The following KCNQ1 variants were observed in gnomAD, a reference collection of about 807,000 sequenced individuals.
KCNQ1 encodes potassium voltage-gated channel subfamily KQT member 1.
Under a neutral mutation model 72.4 loss-of-function variants are expected in KCNQ1, and 49 were observed. The ratio of observed to expected loss-of-function variants is 0.68; its 90% CI spans 0.54 to 0.86. KCNQ1 has a LOEUF of 0.86. KCNQ1 is among the 40% of genes least tolerant of loss of function. The probability of loss-of-function intolerance (pLI) is 0.00; values close to 1 mark genes in which losing one functional copy is unlikely to be tolerated. For missense variants in KCNQ1, 790 were observed against 945.1 expected, an observed-to-expected ratio of 0.84 and a Z score of 2.15; for synonymous variants, 450 against 412.6, an observed-to-expected ratio of 1.09 and a Z score of -1.10.
In KCNQ1 at chr11:2,673,378, C is replaced by A. The variant is rs1355395102; in HGVS notation, c.1514+11297C>A. On this transcript the variant is annotated intron_variant, in intron 11 of 15. Coordinates refer to ENST00000155840, the MANE Select transcript of KCNQ1 (RefSeq NM_000218.3). This position sits in a 1 kb window ranked among gnomAD's most constrained non-coding sequence, Gnocchi z 4.5. Reference sequence around the variant, plus strand: ...CAAAGGGAAGTGACAGAGCAGAGCTCCCCTTGGCCTTTGTTTAGCCCACCT... The same window carrying A: ...CAAAGGGAAGTGACAGAGCAGAGCTACCCTTGGCCTTTGTTTAGCCCACCT... 2.5e-6 allele frequency: 1 copy of A among 398,544 alleles called. No homozygotes were observed. The highest frequency in any genetic ancestry group is 3.6e-5 in the East Asian group (1 of 28,088). The allele number at this position is 398,544 out of a possible 1,614,324, so 24.7% of individuals were successfully genotyped here. A position where few individuals can be genotyped will look rare whatever the true frequency, so the allele number is the denominator to read the frequency against.
chr11:2,471,421 C>A lies in KCNQ1; in HGVS notation c.386+25937C>A, dbSNP rs1033280601. 6.6e-6 allele frequency among the ~76,000 whole-genome samples: 1 copy of A among 152,218 alleles called. No individual in the cohort carries two copies. Among genetic ancestry groups the A allele is most frequent in the Non-Finnish European group, 1.5e-5 (1 of 68,044 alleles). On this transcript the variant is annotated intron_variant, in intron 1 of 15. Coordinates refer to ENST00000155840, the MANE Select transcript of KCNQ1 (RefSeq NM_000218.3). This position sits in a 1 kb window ranked among gnomAD's most constrained non-coding sequence, Gnocchi z 4.8. ...CAACGCCACAGCCTCTGACACTCCACGGCACTAAAGTGTCAAGAGACCCAG... is the reference window on the plus strand; with the variant it reads ...CAACGCCACAGCCTCTGACACTCCAAGGCACTAAAGTGTCAAGAGACCCAG...
chr11:2,726,480 C>T (rs1590055206), intron 11 of KCNQ1, among the ~76,000 whole-genome samples: 1 of 152,142 alleles, frequency 6.6e-6, no homozygotes, highest in South Asian at 2.1e-4. Context: ...ACTGAGGCCC[C>T]AGGCGGAGAC....
chr11:2,846,945 CCT>C (rs977709538), intron 15 of KCNQ1, among the ~76,000 whole-genome samples: 3 of 152,240 alleles, frequency 2.0e-5, no homozygotes, highest in African/African-American at 7.2e-5. Flanking sequence ...AGAACCAGCC[CCT>C]GAGAAGGTGG....
intron 1 of KCNQ1, among the ~76,000 whole-genome samples, chr11:2,511,295 C>T (rs1293064983): frequency 6.6e-6 from 1 of 152,138 alleles, no homozygotes; most frequent in African/African-American, 2.4e-5. Flanking sequence ...GAATTGAGAG[C>T]CAGAGGTTGC....
At chr11:2,527,464 C>A (rs560241807) in intron 1 of KCNQ1, among the ~76,000 whole-genome samples, 75 of 152,310 alleles carry the variant, frequency 4.9e-4, no homozygotes, top group African/African-American at 1.8e-3. Context: ...GGCTCTAGGG[C>A]CCTAAGTGGC....
chr11:2,618,922 A>C (rs1324165788), intron 10 of KCNQ1: 2 of 398,028 alleles, frequency 5.0e-6, no homozygotes, highest in African/African-American at 4.1e-5. Flanking sequence ...TTCCTAAGCA[A>C]TTTTTTTGAT....
At chr11:2,685,056 G>A (rs1850460394) in intron 11 of KCNQ1, 2 of 398,636 alleles carry the variant, frequency 5.0e-6, no homozygotes, top group Non-Finnish European at 8.8e-6. Context: ...GATTTAAAAT[G>A]TATGGGACAG....
chr11:2,522,337 C>T (rs1487420968), intron 1 of KCNQ1, among the ~76,000 whole-genome samples: 1 of 152,158 alleles, frequency 6.6e-6, no homozygotes, highest in Non-Finnish European at 1.5e-5. Flanking sequence ...ACTCCGAGTC[C>T]AAAACACGCA....
intron 11 of KCNQ1, among the ~76,000 whole-genome samples, chr11:2,742,693 A>G (rs1183750515): frequency 6.6e-6 from 1 of 152,182 alleles, no homozygotes; most frequent in Non-Finnish European, 1.5e-5. Context: ...TGCAAACAAG[A>G]GCCTCGGAGA....
In KCNQ1 at chr11:2,663,244, A is replaced by G. The variant is rs1850002535; in HGVS notation, c.1514+1163A>G. ...CAAGGGAGCCAGCAGATCACTGGAA[A>G]GCAGGGGTGACTAGTCATGGACACC... On this transcript the variant is annotated intron_variant, in intron 11 of 15. Coordinates refer to ENST00000155840, the MANE Select transcript of KCNQ1 (RefSeq NM_000218.3). The surrounding 1 kb of genome is among the most constrained non-coding windows in gnomAD (Gnocchi z 5.2). 1 of 398,720 alleles carries G rather than the reference A, an allele frequency of 2.5e-6. No homozygotes were observed. Among genetic ancestry groups the G allele is most frequent in the Non-Finnish European group, 4.4e-6 (1 of 226,136 alleles). 24.7% of individuals were successfully genotyped at this position (398,720 alleles called of 1,614,324 possible).
intron 15 of KCNQ1, among the ~76,000 whole-genome samples, chr11:2,796,066 G>A (rs959648818): frequency 9.9e-5 from 15 of 152,176 alleles, no homozygotes; most frequent in South Asian, 2.1e-4. Context: ...CTTGGTGCCC[G>A]TTAAGTACTT....
In KCNQ1 at chr11:2,598,634, T is replaced by C. The variant is rs1019211154; in HGVS notation, c.1393+9780T>C. ...TAAAAAAAAAAAACCCTAATACATC[T>C]GCCAAATTCTGAGACAGGAAAATTA... On this transcript the variant is annotated intron_variant, in intron 10 of 15. Transcript: ENST00000155840. This position sits in a 1 kb window ranked among gnomAD's most constrained non-coding sequence, Gnocchi z 6.2. 6.6e-6 allele frequency among the ~76,000 whole-genome samples: 1 copy of C among 150,786 alleles called. No homozygotes were observed. The highest frequency in any genetic ancestry group is 1.5e-5 in the Non-Finnish European group (1 of 67,990).
rs1846623315 is a variant in KCNQ1 at position 2,479,570 on chromosome 11, C to T, written c.386+34086C>T. ...GCGGCTGGGACACAGGGCACCAAGT[C>T]CCTAGGCTGCACACAGCATGGAGGC... On this transcript the variant is annotated intron_variant, in intron 1 of 15. Transcript: ENST00000155840. This position sits in a 1 kb window ranked among gnomAD's most constrained non-coding sequence, Gnocchi z 4.6. 6.6e-6 allele frequency among the ~76,000 whole-genome samples: 1 copy of T among 152,226 alleles called. No homozygotes were observed. The highest frequency in any genetic ancestry group is 6.5e-5 in the Admixed American group (1 of 15,288).
At chr11:2,470,704 T>TGGGGGG (rs113753362) in intron 1 of KCNQ1, among the ~76,000 whole-genome samples, 2 of 89,578 alleles carry the variant, frequency 2.2e-5, no homozygotes, top group South Asian at 4.4e-4. Flanking sequence ...CTCAGTTAGG[T>TGGGGGG]GGGGGGGGGG....
At chr11:2,845,296 G>C (rs1429155463) in intron 15 of KCNQ1, among the ~76,000 whole-genome samples, 1 of 152,240 alleles carries the variant, frequency 6.6e-6, no homozygotes, top group Non-Finnish European at 1.5e-5. Flanking sequence ...TCGAGATGGA[G>C]CCTTGGGGTG....
intron 5 of KCNQ1, 25 bp from the exon 6 acceptor site, chr11:2,572,821 C>A (rs765684768): frequency 1.5e-5 from 24 of 1,613,252 alleles, no homozygotes; most frequent in African/African-American, 4.0e-5. Context: ...TCCTGGAGCC[C>A]GACACTGTGT....
rs184306212 is a variant in KCNQ1 at position 2,494,705 on chromosome 11, G to A, written c.387-33223G>A. Among the ~76,000 whole-genome samples, 266 of 152,278 alleles carry A rather than the reference G, an allele frequency of 1.7e-3. No individual in the cohort carries two copies. The highest frequency in any genetic ancestry group is 5.5e-3 in the African/African-American group (228 of 41,554). ...GGGATGAAGCCCACTTGATCACCATGGATAAGCTTTTTGATGTGCTGCTGG... is the reference window on the plus strand; with the variant it reads ...GGGATGAAGCCCACTTGATCACCATAGATAAGCTTTTTGATGTGCTGCTGG... On this transcript the variant is annotated intron_variant, in intron 1 of 15. Coordinates refer to ENST00000155840, the MANE Select transcript of KCNQ1 (RefSeq NM_000218.3). This position sits in a 1 kb window ranked among gnomAD's most constrained non-coding sequence, Gnocchi z 4.6.
intron 12 of KCNQ1, among the ~76,000 whole-genome samples, chr11:2,774,971 C>T (rs1303969433): frequency 6.6e-6 from 1 of 152,172 alleles, no homozygotes; most frequent in African/African-American, 2.4e-5. Context: ...TCTCTTGGGC[C>T]TTGCAAATTC....
In KCNQ1 at chr11:2,671,878, G is replaced by A. The variant is rs999342228; in HGVS notation, c.1514+9797G>A. ...CAGGGAGCCAAGCCCTGGAGAGGAG[G>A]TGGGCAGCACCAGGCAGCCAGCCTG... On this transcript the variant is annotated intron_variant, in intron 11 of 15. Transcript: ENST00000155840. The surrounding 1 kb of genome is among the most constrained non-coding windows in gnomAD (Gnocchi z 4.7). 16 of 398,578 alleles carry A rather than the reference G, an allele frequency of 4.0e-5. No individual in the cohort carries two copies. Among genetic ancestry groups the A allele is most frequent in the African/African-American group, 2.9e-4 (14 of 48,624 alleles). The allele number at this position is 398,578 out of a possible 1,614,324, so 24.7% of individuals were successfully genotyped here.
Sources: gnomAD v4.1 joint callset for allele counts (sites outside exome capture counted in the v4.1 genomes callset) on GRCh38, gnomAD v4.1.1 for gene constraint, Gnocchi (gnomAD v3.1) non-coding constraint, MANE v1.5 for transcripts, NCBI Gene and HGNC (gene_info 2026-07-23, HGNC 2026-07-21) for gene names.